Variants in SACM1L observed in about 807,000 individuals in gnomAD.
SACM1L encodes the protein phosphatidylinositol-3-phosphatase SAC1.
A neutral mutation model predicts 89.5 loss-of-function variants in SACM1L; 32 were observed. The ratio of observed to expected loss-of-function variants is 0.36; its 90% CI spans 0.27 to 0.48. The LOEUF (loss-of-function observed/expected upper bound fraction) is 0.48. SACM1L is among the 20% of genes least tolerant of loss of function. SACM1L has a pLI of 0.99. For synonymous variants in SACM1L, 213 were observed against 232.8 expected, an observed-to-expected ratio of 0.92 and a Z score of 0.77; for missense variants, 543 against 708.5, an observed-to-expected ratio of 0.77 and a Z score of 2.65.
At chr3:45,736,185 C>T (rs1404342389) in intron 14 of SACM1L, among the ~76,000 whole-genome samples, 3 of 151,910 alleles carry the variant, frequency 2.0e-5, no homozygotes, top group African/African-American at 4.8e-5. Flanking sequence ...TTTTCTATTT[C>T]GTTAATACAA....
intron 1 of SACM1L, among the ~76,000 whole-genome samples, chr3:45,694,034 C>T (rs1698065310): frequency 6.6e-6 from 1 of 152,146 alleles, no homozygotes; most frequent in Non-Finnish European, 1.5e-5. Flanking sequence ...TGTCACATTT[C>T]CTTTGCAGGG....
chr3:45,710,118 CTTAT>C (rs1249047487), intron 5 of SACM1L, among the ~76,000 whole-genome samples: 1 of 151,872 alleles, frequency 6.6e-6, no homozygotes, highest in African/African-American at 2.4e-5. Context: ...TGTAGTGATG[CTTAT>C]TTATAATTTT....
intron 11 of SACM1L, among the ~76,000 whole-genome samples, chr3:45,726,824 C>T (rs1407655124): frequency 6.6e-6 from 1 of 150,512 alleles, no homozygotes; most frequent in Non-Finnish European, 1.5e-5. Flanking sequence ...TTAATGTGTG[C>T]ATTTACAGCG....
chr3:45,714,206 TTGA>T, intron 7 of SACM1L, 127 bp downstream of exon 7: 1 of 498,044 alleles, frequency 2.0e-6, no homozygotes, highest in Non-Finnish European at 3.3e-6. Context: ...TAAATTGCTG[TTGA>T]TAAGAAAATC....
In SACM1L at chr3:45,743,722, G is replaced by T; in HGVS notation, c.*53G>T. 1 of 1,570,308 alleles carries T rather than the reference G, an allele frequency of 6.4e-7. No individual in the cohort carries two copies. Among genetic ancestry groups the T allele is most frequent in the South Asian group, 1.2e-5 (1 of 82,866 alleles). Reference sequence around the variant, plus strand: ...TTGGAAGATTCCATTGTGCAGAACTGGAGTCTTTACTGACCCGCTTTCCAC... The same window carrying T: ...TTGGAAGATTCCATTGTGCAGAACTTGAGTCTTTACTGACCCGCTTTCCAC... On this transcript the variant is annotated 3_prime_UTR_variant, in exon 20 of 20. Transcript: ENST00000389061.
chr3:45,733,302 A>C (rs143896840), intron 13 of SACM1L, among the ~76,000 whole-genome samples: 2 of 152,334 alleles, frequency 1.3e-5, no homozygotes, highest in African/African-American at 4.8e-5. Flanking sequence ...TTTGGGATCC[A>C]ACACACCTTG....
intron 11 of SACM1L, among the ~76,000 whole-genome samples, chr3:45,723,965 GAC>G (rs139247863): frequency 1.9e-4 from 28 of 149,624 alleles, no homozygotes; most frequent in South Asian, 1.7e-3. Flanking sequence ...CACACACACA[GAC>G]ACACACACAC....
At position 45,739,728 on chromosome 3, in the gene SACM1L, A is replaced by G. The variant is rs376440198; in HGVS notation, c.1627+84A>G. ...TCTTAAGTTTTTGAGTTCACCGAAC[A>G]CTTGATGTTTCCCTATTAAATTTAA... On this transcript the variant is annotated intron_variant, in intron 19 of 19. Coordinates refer to ENST00000389061, the MANE Select transcript of SACM1L (RefSeq NM_014016.5). 7.3e-6 allele frequency: 9 copies of G among 1,230,324 alleles called. No individual in the cohort carries two copies. In the South Asian group the frequency reaches 1.1e-4, roughly 15 times the overall value. The allele number at this position is 1,230,324 out of a possible 1,614,324, so 76.2% of individuals were successfully genotyped here.
Position 45,735,389 on chromosome 3 carries a change from T to C in SACM1L, c.1239+16T>C. On this transcript the variant is annotated intron_variant, in intron 14 of 19. Transcript: ENST00000389061. ...CCAACTTCAGGTGCGAATGCTTTTT[T>C]TTTTTTTAATTGAAAAACAACACAG... The C allele has an allele frequency of 2.7e-6, 4 of 1,485,482 alleles. No homozygotes were observed. The highest frequency in any genetic ancestry group is 3.6e-6 in the Non-Finnish European group (4 of 1,116,496). 92.0% of individuals were successfully genotyped at this position (1,485,482 alleles called of 1,614,324 possible). A position where few individuals can be genotyped will look rare whatever the true frequency, so the allele number is the denominator to read the frequency against.
Position 45,738,564 on chromosome 3 carries a change from A to T in SACM1L, c.1383-14A>T. The T allele has an allele frequency of 1.3e-6, 2 of 1,532,194 alleles. No homozygotes were observed. The highest frequency in any genetic ancestry group is 1.8e-6 in the Non-Finnish European group (2 of 1,107,240). The allele number at this position is 1,532,194 out of a possible 1,614,324, so 94.9% of individuals were successfully genotyped here. A position where few individuals can be genotyped will look rare whatever the true frequency, so the allele number is the denominator to read the frequency against. On this transcript the variant is annotated splice_polypyrimidine_tract_variant and intron_variant, in intron 16 of 19. Coordinates refer to ENST00000389061, the MANE Select transcript of SACM1L (RefSeq NM_014016.5). ...GTACAAACCTGTAACTTAAAATTTA[A>T]CCTCTTTAACCAGAACTGGAAAGAG...
Position 45,743,519 on chromosome 3 carries a change from C to T in SACM1L, c.1628-14C>T, listed in dbSNP as rs777816789. 26 of 1,593,678 alleles carry T rather than the reference C, an allele frequency of 1.6e-5. No homozygotes were observed. In the South Asian group the frequency reaches 2.6e-4, roughly 16 times the overall value. ...AAACGACTTATTTAGCTTTTTGTTTCTTAATATCAACAGGTGACACTTGGA... is the reference window on the plus strand; with the variant it reads ...AAACGACTTATTTAGCTTTTTGTTTTTTAATATCAACAGGTGACACTTGGA... On this transcript the variant is annotated splice_polypyrimidine_tract_variant and intron_variant, in intron 19 of 19. Transcript: ENST00000389061.
chr3:45,731,634 C>G (rs1699055556), intron 12 of SACM1L, among the ~76,000 whole-genome samples: 1 of 152,106 alleles, frequency 6.6e-6, no homozygotes, highest in African/African-American at 2.4e-5. Flanking sequence ...CAGAGAGTTT[C>G]CATAGATAAT....
chr3:45,699,325 G>A (rs1457796963), intron 1 of SACM1L, among the ~76,000 whole-genome samples: 2 of 150,862 alleles, frequency 1.3e-5, no homozygotes, highest in Non-Finnish European at 3.0e-5. Flanking sequence ...AGCAGTAATG[G>A]TAAAAATAAA....
chr3:45,724,298 GGTGTGT>G (rs61075879), intron 11 of SACM1L, among the ~76,000 whole-genome samples: 83 of 139,820 alleles, frequency 5.9e-4, no homozygotes, highest in African/African-American at 1.9e-3. Flanking sequence ...GTTGTTTTCT[GGTGTGT>G]GTGTGTGTGT....
At chr3:45,698,281 A>T (rs1221905990) in intron 1 of SACM1L, among the ~76,000 whole-genome samples, 1 of 152,228 alleles carries the variant, frequency 6.6e-6, no homozygotes, top group Non-Finnish European at 1.5e-5. Context: ...ACCTGCTGTT[A>T]TGGTTAACAG....
At chr3:45,716,566 C>T (rs1291573825) in intron 7 of SACM1L, among the ~76,000 whole-genome samples, 1 of 151,992 alleles carries the variant, frequency 6.6e-6, no homozygotes, top group Non-Finnish European at 1.5e-5. Context: ...AGGTAGAGGG[C>T]CTGGTGTGGG....
intron 1 of SACM1L, among the ~76,000 whole-genome samples, chr3:45,695,725 G>A (rs184638093): frequency 1.3e-5 from 2 of 152,222 alleles, no homozygotes; most frequent in East Asian, 3.9e-4. Context: ...CAGTTCAGGG[G>A]CAATAAGCAC....
chr3:45,706,752 T>G, intron 3 of SACM1L, 28 bp from the exon 4 acceptor site: 1 of 1,554,976 alleles, frequency 6.4e-7, no homozygotes, highest in Non-Finnish European at 8.8e-7. Context: ...ATTTTTATAA[T>G]TATGTGTGTT....
intron 19 of SACM1L, among the ~76,000 whole-genome samples, chr3:45,740,942 C>G (rs1382139649): frequency 6.6e-6 from 1 of 152,132 alleles, no homozygotes; most frequent in Non-Finnish European, 1.5e-5. Flanking sequence ...GAGACAAGGT[C>G]TTTACTGGTT....
Sources: gnomAD v4.1 joint callset for allele counts (sites outside exome capture counted in the v4.1 genomes callset) on GRCh38, gnomAD v4.1.1 for gene constraint, MANE v1.5 for transcripts, NCBI Gene and HGNC (gene_info 2026-07-23, HGNC 2026-07-21) for gene names.